Variants in AQP7 observed in about 807,000 individuals in gnomAD.
The protein encoded by AQP7 is aquaporin 7, also known as aquaporin-7.
A neutral mutation model predicts 26.1 loss-of-function variants in AQP7; 22 were observed. That is an observed-to-expected ratio of 0.84 (90% CI 0.60 to 1.20). The LOEUF is 1.20. Among genes scored for constraint, AQP7 ranks in the 50% most tolerant of loss-of-function variants. The pLI is 0.00. For synonymous variants in AQP7, 167 were observed against 181.7 expected (o/e 0.92, Z 0.65); for missense variants, 412 against 457.5 (o/e 0.90, Z 0.91).
rs2118843013 is a variant in AQP7 at position 33,395,097 on chromosome 9, A to G, written c.125T>C (p.Met42Thr). The change falls in exon 3 of 8, where the codon ATG becomes ACG. Residue 42 changes from methionine (M) to threonine (T), a missense_variant. Physicochemically the swap from Met to Thr is moderately conservative, Grantham distance 81 (BLOSUM62 -1). Transcript: ENST00000297988. ...ACTCACCATCATGACATATGTGCTCATGAACTCGGCCAGGAACTCTCGCAC... is the reference window on the plus strand; with the variant it reads ...ACTCACCATCATGACATATGTGCTCGTGAACTCGGCCAGGAACTCTCGCAC... Reference protein sequence around the residue: ...KMVREFLAEFMSTYVMMVFGL... With the variant: ...KMVREFLAEFTSTYVMMVFGL... 2.5e-6 allele frequency: 4 copies of G among 1,613,824 alleles called. No homozygotes were observed. The highest frequency in any genetic ancestry group is 3.4e-6 in the Non-Finnish European group (4 of 1,179,810).
At position 33,386,558 on chromosome 9, in the gene AQP7, A is replaced by G. The variant is rs752731129; in HGVS notation, c.269-17T>C. On this transcript the variant is annotated splice_polypyrimidine_tract_variant and intron_variant, in intron 4 of 7. Coordinates refer to ENST00000297988, the MANE Select transcript of AQP7 (RefSeq NM_001170.3). Reference sequence around the variant, plus strand: ...TGTGGGCTCCTGCGGGCAGCAGGCAAGTGTGTCAGGGAGTGAGAGCAGAAC... The same window carrying G: ...TGTGGGCTCCTGCGGGCAGCAGGCAGGTGTGTCAGGGAGTGAGAGCAGAAC... 1.9e-6 allele frequency: 3 copies of G among 1,609,380 alleles called. No individual in the cohort carries two copies. The East Asian group carries it at 6.7e-5, about 36-fold the overall frequency.
intron 2 of AQP7, chr9:33,395,414 C>T (rs4008645): frequency 1.8e-6 from 1 of 563,476 alleles, no homozygotes; most frequent in Non-Finnish European, 3.2e-6. Flanking sequence ...CATGCCCCTT[C>T]TAGTTGGGAC....
At chr9:33,401,932 C>T (rs1423234127) in intron 1 of AQP7, 2 of 152,830 alleles carry the variant, frequency 1.3e-5, no homozygotes, top group African/African-American at 4.8e-5. Context: ...ACCCTCCAGC[C>T]CCAGCTCCAG....
chr9:33,399,490 G>A (rs7022694), intron 2 of AQP7, among the ~76,000 whole-genome samples: 3 of 151,936 alleles, frequency 2.0e-5, no homozygotes, highest in Non-Finnish European at 2.9e-5. Flanking sequence ...ACCAGCTGGG[G>A]GGGGAGGGGC....
At chr9:33,389,001 C>T (rs1825125103) in intron 3 of AQP7, among the ~76,000 whole-genome samples, 1 of 150,110 alleles carries the variant, frequency 6.7e-6, no homozygotes, top group Non-Finnish European at 1.5e-5. Flanking sequence ...GGACTATGGG[C>T]ATGTGCCTCG....
rs576637676 is a variant in AQP7 at position 33,399,010 on chromosome 9, G to A, written c.26+2227C>T. Reference sequence around the variant, plus strand: ...TTTTGAGACAGGGTCTCACTCTGTCGCCCAGGCTGAAGTGCGGTGGTGGCA... The same window carrying A: ...TTTTGAGACAGGGTCTCACTCTGTCACCCAGGCTGAAGTGCGGTGGTGGCA... On this transcript the variant is annotated intron_variant, in intron 2 of 7. Coordinates refer to ENST00000297988, the MANE Select transcript of AQP7 (RefSeq NM_001170.3). Among the ~76,000 whole-genome samples the A allele has an allele frequency of 4.2e-4, 58 of 137,846 alleles. 1 individual carries two copies. The highest frequency in any genetic ancestry group is 3.0e-3 in the Admixed American group (39 of 12,806). 90.4% of individuals were successfully genotyped at this position (137,846 alleles called of 152,430 possible). A position where few individuals can be genotyped will look rare whatever the true frequency, so the allele number is the denominator to read the frequency against.
In AQP7 at chr9:33,384,251, T is replaced by G. The variant is rs1824550551; in HGVS notation, c.*754A>C. 6.6e-6 allele frequency: 1 copy of G among 152,168 alleles called. No individual in the cohort carries two copies. Among genetic ancestry groups the G allele is most frequent in the South Asian group, 2.1e-4 (1 of 4,828 alleles). 9.4% of individuals were successfully genotyped at this position (152,168 alleles called of 1,614,324 possible). On this transcript the variant is annotated 3_prime_UTR_variant, in exon 8 of 8. Coordinates refer to ENST00000297988, the MANE Select transcript of AQP7 (RefSeq NM_001170.3). ...GTCGAAGGATTTCCCTCTTTGCATC[T>G]TCCTTTCCTATTCCTTCATGTGGGA...
At chr9:33,399,077 C>A (rs1466153413) in intron 2 of AQP7, among the ~76,000 whole-genome samples, 1 of 146,166 alleles carries the variant, frequency 6.8e-6, no homozygotes, top group East Asian at 2.0e-4. Flanking sequence ...AGGGTTCAAG[C>A]AATCCTCCCG....
intron 3 of AQP7, among the ~76,000 whole-genome samples, chr9:33,388,850 T>G (rs1432429707): frequency 6.6e-6 from 1 of 152,148 alleles, no homozygotes; most frequent in Non-Finnish European, 1.5e-5. Context: ...CTTGTGCCAC[T>G]GTTTTGTTTG....
In AQP7 at chr9:33,385,687, G is replaced by A. The variant is rs749346975; in HGVS notation, c.705C>T (p.Ile235=). The A allele has an allele frequency of 5.1e-5, 83 of 1,613,806 alleles. No individual in the cohort carries two copies. The highest frequency in any genetic ancestry group is 1.7e-4 in the Middle Eastern group (1 of 5,870). The part of the protein sequence containing the change: ...INPSRDLPPR[I]FTFIAGWGKQ... ...TGCCCCAACCAGCAATGAAGGTGAAGATGCGGGGGGGCAGGTCCCGGGACG... is the reference window on the plus strand; with the variant it reads ...TGCCCCAACCAGCAATGAAGGTGAAAATGCGGGGGGGCAGGTCCCGGGACG... Residue 235 remains isoleucine, a synonymous_variant, in exon 7 of 8, where the codon ATC becomes ATT. Transcript: ENST00000297988.
At chr9:33,397,100 C>CAAA (rs35294363) in intron 2 of AQP7, among the ~76,000 whole-genome samples, 17 of 78,210 alleles carry the variant, frequency 2.2e-4, no homozygotes, top group African/African-American at 5.7e-4. Flanking sequence ...CACCCTGTCT[C>CAAA]AAAAAAAAAA....
At chr9:33,385,959 A>G (rs1824734191) in intron 6 of AQP7, 93 bp from the exon 7 acceptor site, 8 of 1,558,268 alleles carry the variant, frequency 5.1e-6, no homozygotes, top group East Asian at 2.3e-5. Context: ...CAGCAGAGAC[A>G]CGTCTCGGTA....
At chr9:33,385,963 C>T in intron 6 of AQP7, 97 bp from the exon 7 acceptor site, 1 of 1,564,048 alleles carries the variant, frequency 6.4e-7, no homozygotes, top group Non-Finnish European at 8.7e-7. Context: ...AGAGACACGT[C>T]TCGGTACAGT....
chr9:33,385,712 G>A lies in AQP7; in HGVS notation c.680C>T (p.Pro227Leu), dbSNP rs138290992. 17 of 1,613,826 alleles carry A rather than the reference G, an allele frequency of 1.1e-5. No homozygotes were observed. The African/African-American group carries it at 1.3e-4, about 13-fold the overall frequency. Residue 227 changes from proline (P) to leucine (L), a missense_variant, in exon 7 of 8, where the codon CCG becomes CTG. Coordinates refer to ENST00000297988, the MANE Select transcript of AQP7 (RefSeq NM_001170.3). ...LGMNTGYAIN[P>L]SRDLPPRIFT... ...GATGCGGGGGGGCAGGTCCCGGGAC[G>A]GGTTGATGGCATATCCTGTGTTCAT... is the stretch of plus-strand genomic sequence containing the variant.
At chr9:33,386,244 C>G (rs766985035) in intron 5 of AQP7, 49 bp from the exon 6 acceptor site, 9 of 1,611,188 alleles carry the variant, frequency 5.6e-6, no homozygotes, top group African/African-American at 1.3e-5. Flanking sequence ...CTAAGCCCCA[C>G]CGGGGTCCCA....
chr9:33,398,973 C>CCT (rs1826048284), intron 2 of AQP7, among the ~76,000 whole-genome samples: 2 of 139,422 alleles, frequency 1.4e-5, no homozygotes, highest in African/African-American at 5.3e-5. Flanking sequence ...TTTCTTTTTC[C>CCT]TTTTTTTTTT....
chr9:33,387,124 G>T (rs751036715), intron 3 of AQP7, 32 bp from the exon 4 acceptor site: 5 of 1,596,208 alleles, frequency 3.1e-6, no homozygotes, highest in Non-Finnish European at 4.3e-6. Context: ...GGGGCTGCCT[G>T]CCCAGAAGCC....
rs1824546234 is a variant in AQP7, at chr9:33,384,157, C to T, written c.*848G>A. ...CAGTGGATCCTGGCCCCTCACCCCA[C>T]CCAACCTCTGCACCTGCTTCCCTGG... On this transcript the variant is annotated 3_prime_UTR_variant, in exon 8 of 8. Transcript: ENST00000297988. 6.6e-6 allele frequency: 1 copy of T among 152,252 alleles called. No individual in the cohort carries two copies. Among genetic ancestry groups the T allele is most frequent in the Admixed American group, 6.5e-5 (1 of 15,272 alleles). The allele number at this position is 152,252 out of a possible 1,614,324, so 9.4% of individuals were successfully genotyped here. A position where few individuals can be genotyped will look rare whatever the true frequency, so the allele number is the denominator to read the frequency against.
intron 5 of AQP7, 72 bp from the exon 6 acceptor site, chr9:33,386,267 T>A: frequency 1.2e-6 from 2 of 1,607,570 alleles, no homozygotes; most frequent in South Asian, 2.2e-5. Context: ...AATGAGGTTA[T>A]AGGTTAGAGG....
Sources: gnomAD v4.1 joint callset for allele counts (sites outside exome capture counted in the v4.1 genomes callset) on GRCh38, gnomAD v4.1.1 for gene constraint, MANE v1.5 for transcripts, NCBI Gene and HGNC (gene_info 2026-07-23, HGNC 2026-07-21) for gene names.